The following MAP2K1 variants were observed in gnomAD, a reference collection of about 807,000 sequenced individuals.
MAP2K1 encodes the protein dual specificity mitogen-activated protein kinase kinase 1.
Under a neutral mutation model 46.3 loss-of-function variants are expected in MAP2K1, and 16 were observed. That is an observed-to-expected ratio of 0.35 (90% CI 0.23 to 0.52). The LOEUF is 0.52. Ranked by LOEUF, MAP2K1 falls within the 20% of genes least tolerant of loss-of-function variation. The probability of loss-of-function intolerance (pLI) is 0.94; values close to 1 mark genes in which losing one functional copy is unlikely to be tolerated. For missense variants in MAP2K1, 263 were observed against 497.1 expected (o/e 0.53, Z 4.48); for synonymous variants, 183 against 185.6 (o/e 0.99, Z 0.11).
At chr15:66,420,952 CACAT>C (rs1424898662) in intron 1 of MAP2K1, among the ~76,000 whole-genome samples, 9 of 60,016 alleles carry the variant, frequency 1.5e-4, no homozygotes, top group Admixed American at 2.7e-4. Context: ...TATATACATA[CACAT>C]ACATATATAC....
chr15:66,427,685 A>G (rs1377815815), intron 1 of MAP2K1, among the ~76,000 whole-genome samples: 1 of 152,006 alleles, frequency 6.6e-6, no homozygotes, highest in Non-Finnish European at 1.5e-5. Flanking sequence ...TGTTAGCCCC[A>G]TTTTACTGAT....
At chr15:66,437,860 G>C (rs1275154995) in intron 3 of MAP2K1, among the ~76,000 whole-genome samples, 2 of 152,062 alleles carry the variant, frequency 1.3e-5, no homozygotes, top group Non-Finnish European at 2.9e-5. Context: ...GAAAGTGCTT[G>C]TTCCTTCTTT....
chr15:66,420,841 GTGTGTATA>G (rs2093438715), intron 1 of MAP2K1, among the ~76,000 whole-genome samples: 1 of 62,100 alleles, frequency 1.6e-5, no homozygotes, highest in Non-Finnish European at 3.4e-5. Context: ...GTATATATAT[GTGTGTATA>G]TATATGTGTG....
chr15:66,392,897 A>G lies in MAP2K1; in HGVS notation c.80+5470A>G, dbSNP rs73469984. ...AATTTTGTTTTGAGCTCTATTCATG[A>G]TGCTATACAATATGTGTCTAGTTCA... is the stretch of plus-strand genomic sequence containing the variant. On this transcript the variant is annotated intron_variant, in intron 1 of 10. Transcript: ENST00000307102. Among the ~76,000 whole-genome samples, 1,307 of 152,120 alleles carry G rather than the reference A, an allele frequency of 8.6e-3. 28 individuals carry two copies. The highest frequency in any genetic ancestry group is 0.03 in the African/African-American group (1,244 of 41,500).
At position 66,387,267 on chromosome 15, in the gene MAP2K1, C is replaced by T. The variant is rs909365334; in HGVS notation, c.-81C>T. Reference sequence around the variant, plus strand: ...GCGGCCCGGACTTGGTCCTGCGCAGCGGGCGCGGGGCAGCGCAGCGGGAGG... The same window carrying T: ...GCGGCCCGGACTTGGTCCTGCGCAGTGGGCGCGGGGCAGCGCAGCGGGAGG... On this transcript the variant is annotated 5_prime_UTR_variant, in exon 1 of 11. Transcript: ENST00000307102. 1.8e-5 allele frequency: 23 copies of T among 1,275,786 alleles called. No individual in the cohort carries two copies. The highest frequency in any genetic ancestry group is 2.6e-5 in the Non-Finnish European group (23 of 901,278). 79.0% of individuals were successfully genotyped at this position (1,275,786 alleles called of 1,614,324 possible). A position where few individuals can be genotyped will look rare whatever the true frequency, so the allele number is the denominator to read the frequency against.
At position 66,488,047 on chromosome 15, in the gene MAP2K1, GCT is replaced by G. The variant is rs1893103912; in HGVS notation, c.960+758_960+759del. Among the ~76,000 whole-genome samples the G allele has an allele frequency of 2.0e-5, 3 of 152,072 alleles. No individual in the cohort carries two copies. The South Asian group carries it at 6.3e-4, about 32-fold the overall frequency. ...GTAGCCCAGGTCCTTCCCACCCAGTGCTCTTTCTTCCTTGCCACCTCCCACCT... is the reference window on the plus strand; with the variant it reads ...GTAGCCCAGGTCCTTCCCACCCAGTGCTTTCTTCCTTGCCACCTCCCACCT... On this transcript the variant is annotated intron_variant, in intron 8 of 10. Transcript: ENST00000307102.
chr15:66,400,600 T>C (rs2093379099), intron 1 of MAP2K1, among the ~76,000 whole-genome samples: 1 of 152,236 alleles, frequency 6.6e-6, no homozygotes, highest in Non-Finnish European at 1.5e-5. Context: ...ATTGTGTTTT[T>C]ACTTCATGTC....
At chr15:66,489,371 G>T in intron 9 of MAP2K1, 95 bp downstream of exon 9, 1 of 1,230,272 alleles carries the variant, frequency 8.1e-7, no homozygotes, top group Non-Finnish European at 1.2e-6. Context: ...TCTGCAGGCA[G>T]AGTTTTGCCC....
At chr15:66,415,147 C>T (rs2093421698) in intron 1 of MAP2K1, 4 of 525,236 alleles carry the variant, frequency 7.6e-6, no homozygotes, top group South Asian at 5.5e-5. Flanking sequence ...TGGCAGCTCC[C>T]CTAGTTTGAC....
chr15:66,440,053 A>T (rs565196140), intron 3 of MAP2K1, among the ~76,000 whole-genome samples: 3 of 151,958 alleles, frequency 2.0e-5, no homozygotes, highest in Admixed American at 6.5e-5. Flanking sequence ...CCATATATCC[A>T]TTTCTCCGAT....
chr15:66,422,578 C>T (rs2093446210), intron 1 of MAP2K1, among the ~76,000 whole-genome samples: 1 of 152,032 alleles, frequency 6.6e-6, no homozygotes, highest in Admixed American at 6.6e-5. Flanking sequence ...ATTGTAGTAC[C>T]TATGACGGGA....
rs1299047668 is a variant in MAP2K1 at position 66,387,338 on chromosome 15, C to T, written c.-10C>T. 6.4e-6 allele frequency: 10 copies of T among 1,556,314 alleles called. No individual in the cohort carries two copies. The South Asian group carries it at 7.1e-5, about 11-fold the overall frequency. ...CCCCCGGAGTTGGAAGCGCGTTACC[C>T]GGGTCCAAAATGCCCAAGAAGAAGC... On this transcript the variant is annotated 5_prime_UTR_variant, in exon 1 of 11. Transcript: ENST00000307102.
chr15:66,449,014 A>AAC (rs1263354692), intron 5 of MAP2K1, among the ~76,000 whole-genome samples: 2 of 150,702 alleles, frequency 1.3e-5, no homozygotes, highest in Non-Finnish European at 3.0e-5. Flanking sequence ...AAAAAAAAAA[A>AAC]AAAAAAAAAA....
chr15:66,440,297 G>A (rs1215166950), intron 3 of MAP2K1, among the ~76,000 whole-genome samples: 3 of 152,150 alleles, frequency 2.0e-5, no homozygotes, highest in Admixed American at 6.6e-5. Flanking sequence ...TCACTATGTT[G>A]CCTGTGCTGG....
chr15:66,436,217 T>C (rs936024478), intron 2 of MAP2K1, among the ~76,000 whole-genome samples: 2 of 152,224 alleles, frequency 1.3e-5, no homozygotes, highest in Admixed American at 1.3e-4. Flanking sequence ...GGGATTTTTT[T>C]AGAAGTTCAA....
chr15:66,387,048 G>A lies in MAP2K1; in HGVS notation c.-300G>A. 2.7e-6 allele frequency: 1 copy of A among 363,644 alleles called. No individual in the cohort carries two copies. Among genetic ancestry groups the A allele is most frequent in the South Asian group, 8.3e-5 (1 of 11,982 alleles). The allele number at this position is 363,644 out of a possible 1,614,324, so 22.5% of individuals were successfully genotyped here. On this transcript the variant is annotated 5_prime_UTR_variant, in exon 1 of 11. Transcript: ENST00000307102. ...CCGGAGGGACTGGTTGGTTGAGAGAGAGAGAGGAAGGGAATCCCGGGCTGC... is the reference window on the plus strand; with the variant it reads ...CCGGAGGGACTGGTTGGTTGAGAGAAAGAGAGGAAGGGAATCCCGGGCTGC...
At chr15:66,447,379 G>T (rs1891897995) in intron 5 of MAP2K1, among the ~76,000 whole-genome samples, 1 of 152,102 alleles carries the variant, frequency 6.6e-6, no homozygotes, top group South Asian at 2.1e-4. Flanking sequence ...GTAGGGCACA[G>T]GGACCTGAAA....
At chr15:66,412,265 C>T (rs766601812) in intron 1 of MAP2K1, among the ~76,000 whole-genome samples, 2 of 152,136 alleles carry the variant, frequency 1.3e-5, no homozygotes, top group Non-Finnish European at 2.9e-5. Flanking sequence ...GTGGAAACAC[C>T]TCTGCGTTTG....
intron 1 of MAP2K1, among the ~76,000 whole-genome samples, chr15:66,410,157 C>T (rs978512568): frequency 7.2e-5 from 11 of 152,194 alleles, no homozygotes; most frequent in African/African-American, 2.7e-4. Context: ...TTGCCCTGCC[C>T]TACTGCTTAA....
Sources: gnomAD v4.1 joint callset for allele counts (sites outside exome capture counted in the v4.1 genomes callset) on GRCh38, gnomAD v4.1.1 for gene constraint, MANE v1.5 for transcripts, NCBI Gene and HGNC (gene_info 2026-07-23, HGNC 2026-07-21) for gene names.